CENPP: variants seen among roughly 807,000 people sequenced by gnomAD.
The protein encoded by CENPP is centromere protein P.
A neutral mutation model predicts 35.6 loss-of-function variants in CENPP; 24 were observed. That is an observed-to-expected ratio of 0.67 (90% CI 0.49 to 0.95). CENPP has a LOEUF of 0.95. Ranked by LOEUF, CENPP falls within the 40% of genes least tolerant of loss-of-function variation. The probability of loss-of-function intolerance (pLI) is 0.00; values close to 1 mark genes in which losing one functional copy is unlikely to be tolerated. For synonymous variants in CENPP, 120 were observed against 125.5 expected, an observed-to-expected ratio of 0.96 and a Z score of 0.29; for missense variants, 332 against 345.3, an observed-to-expected ratio of 0.96 and a Z score of 0.31.
At chr9:92,335,133 G>A (rs536022458) in intron 2 of CENPP, among the ~76,000 whole-genome samples, 11 of 152,210 alleles carry the variant, frequency 7.2e-5, no homozygotes, top group African/African-American at 2.4e-4. Context: ...CAGCCTGGGC[G>A]ACAGAACGAG....
Position 92,464,611 on chromosome 9 carries a change from A to G in CENPP, c.564+84752A>G, listed in dbSNP as rs1175388149. On this transcript the variant is annotated intron_variant, in intron 5 of 7. Transcript: ENST00000375587. ...TGCTTTCTTCTGTATAGAATTCTCT[A>G]CCTCTAACAGGTACTGCACAGAATG... 5 of 489,130 alleles carry G rather than the reference A, an allele frequency of 1.0e-5. No homozygotes were observed. In the East Asian group the frequency reaches 2.3e-4, roughly 23 times the overall value. 30.3% of individuals were successfully genotyped at this position (489,130 alleles called of 1,614,324 possible). A position where few individuals can be genotyped will look rare whatever the true frequency, so the allele number is the denominator to read the frequency against.
At chr9:92,357,070 G>A (rs1439443635) in intron 4 of CENPP, among the ~76,000 whole-genome samples, 1 of 152,114 alleles carries the variant, frequency 6.6e-6, no homozygotes. Context: ...CTAGCTTTTA[G>A]TCTAATTTTT....
chr9:92,464,988 CT>C, intron 5 of CENPP: 4 of 1,614,032 alleles, frequency 2.5e-6, no homozygotes, highest in Non-Finnish European at 3.4e-6. Context: ...TCAAATGCCC[CT>C]GGCTCTATCC....
chr9:92,595,109 G>A (rs1391960372), intron 5 of CENPP, among the ~76,000 whole-genome samples: 2 of 152,032 alleles, frequency 1.3e-5, no homozygotes, highest in African/African-American at 4.8e-5. Flanking sequence ...TGTTGGCCAG[G>A]CTGGTCTTGA....
At chr9:92,534,092 C>A (rs574498717) in intron 5 of CENPP, among the ~76,000 whole-genome samples, 1 of 152,268 alleles carries the variant, frequency 6.6e-6, no homozygotes, top group South Asian at 2.1e-4. Context: ...TGTTTTCTCC[C>A]ATGACTGTTC....
At chr9:92,510,145 A>G in intron 5 of CENPP, 1 of 1,259,434 alleles carries the variant, frequency 7.9e-7, no homozygotes, top group Non-Finnish European at 1.1e-6. Context: ...CCTTAGGCTT[A>G]GACAGTAATG....
At chr9:92,528,542 GGAAAA>G (rs1371526897) in intron 5 of CENPP, among the ~76,000 whole-genome samples, 1 of 123,890 alleles carries the variant, frequency 8.1e-6, no homozygotes, top group African/African-American at 4.4e-5. Flanking sequence ...AGGACAAAGG[GGAAAA>G]CAAAGCAAAA....
At chr9:92,606,800 A>C (rs1225485330) in intron 5 of CENPP, among the ~76,000 whole-genome samples, 6 of 152,234 alleles carry the variant, frequency 3.9e-5, no homozygotes, top group African/African-American at 1.4e-4. Context: ...GCTACTGAGG[A>C]GACTGAGGCA....
intron 5 of CENPP, among the ~76,000 whole-genome samples, chr9:92,436,351 C>T (rs897245060): frequency 1.3e-5 from 2 of 152,178 alleles, no homozygotes; most frequent in Non-Finnish European, 2.9e-5. Flanking sequence ...CATTCTATTG[C>T]ATGCCTTTTC....
At chr9:92,416,316 T>A (rs1843610845) in intron 5 of CENPP, among the ~76,000 whole-genome samples, 1 of 151,728 alleles carries the variant, frequency 6.6e-6, no homozygotes, top group Non-Finnish European at 1.5e-5. Context: ...ACCAGGCTGA[T>A]CTCGAACTCC....
chr9:92,325,718 T>TG (rs1263683872), upstream of CENPP: 1 of 379,496 alleles, frequency 2.6e-6, no homozygotes, highest in East Asian at 5.0e-5. Context: ...GCGGAGCGCT[T>TG]GGGCTTGGAG....
intron 5 of CENPP, among the ~76,000 whole-genome samples, chr9:92,563,526 T>C (rs1849895562): frequency 6.6e-6 from 1 of 152,254 alleles, no homozygotes; most frequent in Non-Finnish European, 1.5e-5. Context: ...AACAGTGTGA[T>C]CATTTCTGTG....
At chr9:92,472,973 A>G (rs997208700) in intron 5 of CENPP, among the ~76,000 whole-genome samples, 3 of 152,164 alleles carry the variant, frequency 2.0e-5, no homozygotes, top group Non-Finnish European at 4.4e-5. Context: ...AGGGAGGAAG[A>G]GTGATAAGTG....
chr9:92,528,941 G>A (rs1399516606), intron 5 of CENPP, among the ~76,000 whole-genome samples: 1 of 152,178 alleles, frequency 6.6e-6, no homozygotes, highest in Non-Finnish European at 1.5e-5. Context: ...TAAAGTAGGT[G>A]TTTAAAAATC....
chr9:92,504,780 C>G (rs1846896376), intron 5 of CENPP, among the ~76,000 whole-genome samples: 1 of 152,196 alleles, frequency 6.6e-6, no homozygotes, highest in Non-Finnish European at 1.5e-5. Flanking sequence ...CTCAAGCCAT[C>G]TTCCTGCCTC....
intron 5 of CENPP, among the ~76,000 whole-genome samples, chr9:92,481,526 A>C (rs1405085294): frequency 6.6e-6 from 1 of 152,178 alleles, no homozygotes; most frequent in East Asian, 1.9e-4. Context: ...CGCTATTTAG[A>C]TTACTAGGGA....
chr9:92,375,682 T>C (rs7045572), intron 4 of CENPP, among the ~76,000 whole-genome samples: 55,708 of 151,954 alleles, frequency 0.37, 12,516 homozygotes, highest in African/African-American at 0.63. Context: ...TTTTCAGTTC[T>C]AAAATTTCTA....
chr9:92,392,749 T>C (rs771811819), intron 5 of CENPP, among the ~76,000 whole-genome samples: 1 of 152,128 alleles, frequency 6.6e-6, no homozygotes, highest in Non-Finnish European at 1.5e-5. Context: ...AAATAAAACA[T>C]TGTGGTTGGA....
intron 5 of CENPP, chr9:92,600,279 C>T (rs936573346): frequency 4.9e-6 from 7 of 1,431,172 alleles, no homozygotes; most frequent in Non-Finnish European, 5.5e-6. Context: ...TGCCCTGGCT[C>T]TCTTCCTGTC....
Sources: gnomAD v4.1 joint callset for allele counts (sites outside exome capture counted in the v4.1 genomes callset) on GRCh38, gnomAD v4.1.1 for gene constraint, MANE v1.5 for transcripts, NCBI Gene and HGNC (gene_info 2026-07-23, HGNC 2026-07-21) for gene names.